MAF: variants seen among roughly 807,000 people sequenced by gnomAD.
The protein encoded by MAF is transcription factor Maf.
MAF carries 10 observed loss-of-function variants against 22.0 expected under a neutral mutation model. The observed-to-expected ratio is 0.45, with a 90% CI of 0.28 to 0.77. The LOEUF (loss-of-function observed/expected upper bound fraction) is 0.77. Ranked by LOEUF, MAF falls within the 30% of genes least tolerant of loss-of-function variation. The pLI is 0.12. For synonymous variants in MAF, 337 were observed against 255.8 expected (o/e 1.32, Z -3.03); for missense variants, 544 against 548.4 (o/e 0.99, Z 0.08).
chr16:79,253,564 G>A, the MAF span, among the ~76,000 whole-genome samples: 1 of 152,120 alleles, frequency 6.6e-6, no homozygotes, highest in Admixed American at 6.5e-5. Flanking sequence ...GGGCCTCCGG[G>A]GCAGGTGTGT....
At chr16:79,518,087 C>A in the MAF span, among the ~76,000 whole-genome samples, 1 of 152,186 alleles carries the variant, frequency 6.6e-6, no homozygotes, top group Non-Finnish European at 1.5e-5. Context: ...CCTTTGTAGA[C>A]ATTAGTTTAT....
the MAF span, among the ~76,000 whole-genome samples, chr16:79,449,920 C>T: frequency 6.6e-6 from 1 of 152,224 alleles, no homozygotes; most frequent in African/African-American, 2.4e-5. Context: ...GGGCTTCCAA[C>T]TTTTTATGAC....
chr16:79,317,940 AC>A, the MAF span, among the ~76,000 whole-genome samples: 1 of 133,562 alleles, frequency 7.5e-6, no homozygotes, highest in African/African-American at 3.5e-5. Flanking sequence ...TCACTCACTC[AC>A]TCACTCACTC....
At chr16:79,460,809 A>G in the MAF span, among the ~76,000 whole-genome samples, 52 of 152,200 alleles carry the variant, frequency 3.4e-4, no homozygotes, top group African/African-American at 1.1e-3. Flanking sequence ...ACCTTATCCA[A>G]AGGCATTTTA....
the MAF span, among the ~76,000 whole-genome samples, chr16:79,482,040 C>G: frequency 6.6e-6 from 1 of 152,066 alleles, no homozygotes; most frequent in Non-Finnish European, 1.5e-5. Context: ...TGGGATGAGG[C>G]CTGCAGGGGT....
At chr16:79,409,593 A>C in the MAF span, among the ~76,000 whole-genome samples, 2 of 152,208 alleles carry the variant, frequency 1.3e-5, no homozygotes, top group Non-Finnish European at 2.9e-5. Flanking sequence ...GATTTGATTT[A>C]CACGGAGTAG....
chr16:79,497,943 A>C, the MAF span, among the ~76,000 whole-genome samples: 1 of 152,192 alleles, frequency 6.6e-6, no homozygotes, highest in Admixed American at 6.5e-5. Flanking sequence ...GAGCTCTCCC[A>C]GTTCTAGAGA....
the MAF span, among the ~76,000 whole-genome samples, chr16:79,330,233 A>C: frequency 6.6e-6 from 1 of 152,320 alleles, no homozygotes; most frequent in African/African-American, 2.4e-5. Context: ...GATCATTCCA[A>C]GCATAATTTG....
At chr16:79,325,814 A>C in the MAF span, among the ~76,000 whole-genome samples, 6 of 152,234 alleles carry the variant, frequency 3.9e-5, no homozygotes, top group African/African-American at 1.4e-4. Context: ...GAAAGAGCAG[A>C]ACAAACATGG....
chr16:79,324,108 TG>T, the MAF span, among the ~76,000 whole-genome samples: 1 of 152,240 alleles, frequency 6.6e-6, no homozygotes, highest in Non-Finnish European at 1.5e-5. Flanking sequence ...ATGTGAATTT[TG>T]CTTTTACATG....
the MAF span, among the ~76,000 whole-genome samples, chr16:79,450,094 G>A: frequency 6.6e-6 from 1 of 152,222 alleles, no homozygotes; most frequent in Admixed American, 6.5e-5. Flanking sequence ...AGCAATCAAT[G>A]CTGAGAGTGT....
chr16:79,267,091 A>C, the MAF span, among the ~76,000 whole-genome samples: 1 of 152,230 alleles, frequency 6.6e-6, no homozygotes, highest in Non-Finnish European at 1.5e-5. Context: ...CATGTAATAC[A>C]CTATAAAGTC....
chr16:79,220,885 G>A, the MAF span, among the ~76,000 whole-genome samples: 1 of 152,180 alleles, frequency 6.6e-6, no homozygotes, highest in African/African-American at 2.4e-5. Context: ...TGACCTGCCT[G>A]TCTGGCATGC....
At chr16:79,517,930 C>G in the MAF span, among the ~76,000 whole-genome samples, 2 of 152,136 alleles carry the variant, frequency 1.3e-5, no homozygotes, top group Non-Finnish European at 2.9e-5. Context: ...CAATAGTGGA[C>G]CAAGGGCAGG....
chr16:79,567,571 T>C, the MAF span, among the ~76,000 whole-genome samples: 132 of 152,304 alleles, frequency 8.7e-4, no homozygotes, highest in African/African-American at 3.1e-3. Context: ...TTGTATATTT[T>C]TCCTGTCCTG....
At chr16:79,406,693 C>A in the MAF span, among the ~76,000 whole-genome samples, 18 of 152,276 alleles carry the variant, frequency 1.2e-4, no homozygotes, top group African/African-American at 4.1e-4. Flanking sequence ...AACATTCTGT[C>A]TATAAGAAGA....
At chr16:79,298,147 C>T in the MAF span, among the ~76,000 whole-genome samples, 6 of 152,194 alleles carry the variant, frequency 3.9e-5, no homozygotes, top group Non-Finnish European at 5.9e-5. Flanking sequence ...CCAGCTCAGG[C>T]GGAGCTTGAG....
At chr16:79,405,794 A>T in the MAF span, among the ~76,000 whole-genome samples, 11 of 152,254 alleles carry the variant, frequency 7.2e-5, no homozygotes, top group Admixed American at 2.0e-4. Flanking sequence ...GTGCAAAGAG[A>T]GGTAGGAGGT....
the MAF span, among the ~76,000 whole-genome samples, chr16:79,413,809 G>A: frequency 1.1e-3 from 171 of 152,308 alleles, no homozygotes; most frequent in South Asian, 7.7e-3. Flanking sequence ...TCTGCCAGGG[G>A]AAGGGTGGTT....
Sources: allele counts gnomAD v4.1 joint callset (sites outside exome capture counted in the v4.1 genomes callset), GRCh38; gene constraint gnomAD v4.1.1; transcripts MANE v1.5; gene names NCBI Gene and HGNC (gene_info 2026-07-23, HGNC 2026-07-21).